The following USP37 variants were observed in gnomAD, a reference collection of about 807,000 sequenced individuals.
USP37 encodes the protein ubiquitin carboxyl-terminal hydrolase 37.
USP37 carries 27 observed loss-of-function variants against 124.0 expected under a neutral mutation model. The ratio of observed to expected loss-of-function variants is 0.22; its 90% CI spans 0.16 to 0.30. USP37 has a LOEUF of 0.30. Ranked by LOEUF, USP37 falls within the 10% of genes least tolerant of loss-of-function variation. The pLI, the probability that USP37 is intolerant of heterozygous loss-of-function variation, is 1.00. For missense variants in USP37, 889 were observed against 1,140.4 expected (o/e 0.78, Z 3.17); for synonymous variants, 365 against 388.0 (o/e 0.94, Z 0.70).
intron 15 of USP37, 91 bp downstream of exon 15, chr2:218,488,213 T>G: frequency 1.4e-6 from 1 of 731,686 alleles, no homozygotes; most frequent in Non-Finnish European, 2.1e-6. Flanking sequence ...GAAAAGAAAC[T>G]TTGCCTTGAA....
chr2:218,565,476 A>G (rs959273076), intron 1 of USP37, among the ~76,000 whole-genome samples: 2 of 152,242 alleles, frequency 1.3e-5, no homozygotes, highest in Non-Finnish European at 2.9e-5. Flanking sequence ...CAAAGAGTTT[A>G]AAATCTGAAT....
intron 22 of USP37, among the ~76,000 whole-genome samples, chr2:218,462,712 A>C (rs1690078760): frequency 6.6e-6 from 1 of 152,128 alleles, no homozygotes; most frequent in Non-Finnish European, 1.5e-5. Context: ...CAATATTAAA[A>C]AACATATTGT....
At chr2:218,558,832 A>C (rs1693166011) in intron 3 of USP37, 155 bp from the exon 4 acceptor site, 1 of 484,678 alleles carries the variant, frequency 2.1e-6, no homozygotes, top group Non-Finnish European at 3.6e-6. Flanking sequence ...TACTGTATTT[A>C]TTAGTGCCTA....
intron 11 of USP37, among the ~76,000 whole-genome samples, chr2:218,500,223 T>C (rs1249547043): frequency 1.3e-5 from 2 of 151,894 alleles, no homozygotes; most frequent in Non-Finnish European, 2.9e-5. Context: ...GACAGGCGTG[T>C]GCCACCACAC....
intron 4 of USP37, among the ~76,000 whole-genome samples, chr2:218,557,087 T>C (rs529827698): frequency 6.6e-6 from 1 of 152,174 alleles, no homozygotes; most frequent in African/African-American, 2.4e-5. Flanking sequence ...CAGGCTGGTC[T>C]TGGACTCCTG....
intron 21 of USP37, among the ~76,000 whole-genome samples, chr2:218,464,333 G>A (rs1690193947): frequency 6.6e-6 from 1 of 152,058 alleles, no homozygotes; most frequent in African/African-American, 2.4e-5. Context: ...CACCTCCCGG[G>A]TTCAAGCAAT....
intron 4 of USP37, among the ~76,000 whole-genome samples, chr2:218,555,389 T>C (rs1361536313): frequency 1.3e-5 from 2 of 152,178 alleles, no homozygotes; most frequent in Non-Finnish European, 2.9e-5. Flanking sequence ...TATATATGTA[T>C]TTTTAGCATC....
At chr2:218,493,115 A>T (rs573517651) in intron 14 of USP37, among the ~76,000 whole-genome samples, 54 of 152,074 alleles carry the variant, frequency 3.6e-4, no homozygotes, top group South Asian at 8.3e-4. Flanking sequence ...GGTTTTTTTT[A>T]AAAAAAGTAC....
chr2:218,496,638 A>G (rs1689095719), intron 13 of USP37, among the ~76,000 whole-genome samples: 1 of 63,356 alleles, frequency 1.6e-5, no homozygotes, highest in African/African-American at 5.7e-5. Context: ...ACAGCTCCTT[A>G]GGTTTTTCTT....
At position 218,499,874 on chromosome 2, in the gene USP37, C is replaced by T. The variant is rs1295286291; in HGVS notation, c.1026-1717G>A. Among the ~76,000 whole-genome samples, 7 of 151,996 alleles carry T rather than the reference C, an allele frequency of 4.6e-5. No homozygotes were observed. In the East Asian group the frequency reaches 5.8e-4, roughly 13 times the overall value. ...ACAACGTACTGCAGCCTCAACCTCCCGGGCTCGAGCAATCCTCCCACCTCA... is the reference window on the plus strand; with the variant it reads ...ACAACGTACTGCAGCCTCAACCTCCTGGGCTCGAGCAATCCTCCCACCTCA... On this transcript the variant is annotated intron_variant, in intron 11 of 25. Coordinates refer to ENST00000258399, the MANE Select transcript of USP37 (RefSeq NM_020935.3).
Position 218,450,296 on chromosome 2 carries a change from T to C in USP37, c.*4634A>G, listed in dbSNP as rs1689447846. Reference sequence around the variant, plus strand: ...ATTTCATACACACAAAAAAACTCTATGCATAATTTAAAAAGGAAACAAAAA... The same window carrying C: ...ATTTCATACACACAAAAAAACTCTACGCATAATTTAAAAAGGAAACAAAAA... On this transcript the variant is annotated 3_prime_UTR_variant, in exon 26 of 26. Coordinates refer to ENST00000258399, the MANE Select transcript of USP37 (RefSeq NM_020935.3). The C allele has an allele frequency of 6.6e-6, 1 of 152,238 alleles. No homozygotes were observed. The highest frequency in any genetic ancestry group is 1.5e-5 in the Non-Finnish European group (1 of 67,996). 9.4% of individuals were successfully genotyped at this position (152,238 alleles called of 1,614,324 possible).
rs779408327 is a variant in USP37, at chr2:218,510,095, T to A, written c.909A>T (p.Gly303=). 2 of 1,612,948 alleles carry A rather than the reference T, an allele frequency of 1.2e-6. No individual in the cohort carries two copies. The highest frequency in any genetic ancestry group is 1.7e-5 in the Admixed American group (1 of 59,928). Residue 303 remains glycine (G), a synonymous_variant, in exon 11 of 26, where the codon GGA becomes GGT. Transcript: ENST00000258399. ...SQTPSAKRSL[G]FLPQPVPLSV... ...AAAGAGGAACTGGCTGAGGAAGAAA[T>A]CCCAAACTTCTTTTGGCAGAGGGAG...
chr2:218,490,989 T>C (rs1691907858), intron 14 of USP37, among the ~76,000 whole-genome samples: 1 of 152,178 alleles, frequency 6.6e-6, no homozygotes, highest in Non-Finnish European at 1.5e-5. Context: ...TCCTCCCACC[T>C]TAGCCTCCCA....
intron 20 of USP37, among the ~76,000 whole-genome samples, chr2:218,473,489 C>T (rs889092301): frequency 6.6e-6 from 1 of 152,118 alleles, no homozygotes; most frequent in Non-Finnish European, 1.5e-5. Context: ...TGAAGAGGTT[C>T]CAACTATGAG....
At chr2:218,551,937 C>T (rs1330876435) in intron 5 of USP37, among the ~76,000 whole-genome samples, 2 of 152,070 alleles carry the variant, frequency 1.3e-5, no homozygotes, top group East Asian at 3.9e-4. Flanking sequence ...GGACTACAGG[C>T]ACTCGCCACC....
chr2:218,556,899 C>G (rs1301798361), intron 4 of USP37, among the ~76,000 whole-genome samples: 1 of 151,966 alleles, frequency 6.6e-6, no homozygotes, highest in Admixed American at 6.6e-5. Flanking sequence ...CACCCTGTTT[C>G]TTTTTCAGAC....
intron 11 of USP37, among the ~76,000 whole-genome samples, chr2:218,502,075 T>G (rs1303795759): frequency 6.6e-6 from 1 of 151,874 alleles, no homozygotes; most frequent in African/African-American, 2.4e-5. Context: ...TAAAGGATAC[T>G]CTATATTCAA....
At chr2:218,544,004 A>T (rs886470467) in intron 8 of USP37, among the ~76,000 whole-genome samples, 1 of 152,126 alleles carries the variant, frequency 6.6e-6, no homozygotes, top group African/African-American at 2.4e-5. Context: ...ATATTAGCAG[A>T]AGCTGGGTAA....
chr2:218,455,554 A>T, intron 25 of USP37, 26 bp downstream of exon 25: 1 of 1,568,922 alleles, frequency 6.4e-7, no homozygotes, highest in African/African-American at 1.4e-5. Flanking sequence ...CTAACTCATT[A>T]TTTAGAATCT....
Sources: allele counts gnomAD v4.1 joint callset (sites outside exome capture counted in the v4.1 genomes callset), GRCh38; gene constraint gnomAD v4.1.1; transcripts MANE v1.5; gene names NCBI Gene and HGNC (gene_info 2026-07-23, HGNC 2026-07-21).